The following CGNL1 variants were observed in gnomAD, a reference collection of about 807,000 sequenced individuals.
CGNL1 encodes the protein cingulin-like protein 1.
In CGNL1, 132 loss-of-function variants were observed where a neutral mutation model predicts 141.2. The observed-to-expected ratio is 0.93, with a 90% CI of 0.81 to 1.08. The LOEUF (loss-of-function observed/expected upper bound fraction) is 1.08. CGNL1 is among the 50% of genes least tolerant of loss of function. The pLI is 0.00. For missense variants in CGNL1, 1,870 were observed against 1,588.6 expected (o/e 1.18, Z -3.01); for synonymous variants, 690 against 622.1 (o/e 1.11, Z -1.63).
At chr15:57,388,275 A>G (rs553353561) in intron 1 of CGNL1, among the ~76,000 whole-genome samples, 2 of 151,174 alleles carry the variant, frequency 1.3e-5, no homozygotes, top group Non-Finnish European at 2.9e-5. Context: ...GCTTCAGGGA[A>G]AACTCCGGAG....
chr15:57,466,569 G>A (rs1595733818), intron 8 of CGNL1, among the ~76,000 whole-genome samples: 1 of 152,056 alleles, frequency 6.6e-6, no homozygotes, highest in Non-Finnish European at 1.5e-5. Flanking sequence ...TTTGCTCCGG[G>A]TTTTATCTTC....
intron 12 of CGNL1, among the ~76,000 whole-genome samples, chr15:57,525,841 A>C (rs2031576804): frequency 6.6e-6 from 1 of 152,090 alleles, no homozygotes; most frequent in African/African-American, 2.4e-5. Context: ...CAGGACTCCA[A>C]GTAAGCAGTG....
At chr15:57,514,706 CTG>C (rs1231520324) in intron 8 of CGNL1, among the ~76,000 whole-genome samples, 1 of 152,062 alleles carries the variant, frequency 6.6e-6, no homozygotes, top group Non-Finnish European at 1.5e-5. Context: ...ATACTTGTTT[CTG>C]TGTTTTAAGA....
intron 1 of CGNL1, among the ~76,000 whole-genome samples, chr15:57,423,615 G>T (rs772033688): frequency 6.6e-6 from 1 of 152,142 alleles, no homozygotes; most frequent in Non-Finnish European, 1.5e-5. Flanking sequence ...TCCAGTCTTT[G>T]CCTGCTTAAT....
intron 1 of CGNL1, among the ~76,000 whole-genome samples, chr15:57,395,499 C>T (rs2062592397): frequency 6.6e-6 from 1 of 152,204 alleles, no homozygotes; most frequent in Non-Finnish European, 1.5e-5. Context: ...CTACTGAATG[C>T]CCAGGTCACA....
chr15:57,435,428 T>C (rs1247719538), intron 1 of CGNL1, among the ~76,000 whole-genome samples: 39 of 149,722 alleles, frequency 2.6e-4, no homozygotes, highest in Non-Finnish European at 3.4e-4. Flanking sequence ...TTTTTTTTTT[T>C]CCTCCTGGGC....
In CGNL1 at chr15:57,451,597, T is replaced by G. The variant is rs747655307; in HGVS notation, c.1901T>G (p.Val634Gly). ...CTTCAGAGACAGCTTCAACTGGAAGTCAAGGTATCTGGTTTTTCCTTTATG... is the reference window on the plus strand; with the variant it reads ...CTTCAGAGACAGCTTCAACTGGAAGGCAAGGTATCTGGTTTTTCCTTTATG... ...AELQRQLQLE[V>G]KNQQNIKEER... The change falls in exon 5 of 19, where the codon GTC (valine) becomes GGC (glycine). Residue 634 changes from valine to glycine, a missense_variant. By Grantham distance (109) the Val-to-Gly change is moderately radical. Transcript: ENST00000281282. 1.2e-5 allele frequency: 20 copies of G among 1,601,704 alleles called. No homozygotes were observed. The highest frequency in any genetic ancestry group is 3.4e-5 in the Admixed American group (2 of 59,282).
At position 57,550,053 on chromosome 15, in the gene CGNL1, G is replaced by T. The variant is rs1344419912; in HGVS notation, c.*2563G>T. 6.6e-6 allele frequency: 1 copy of T among 152,208 alleles called. No homozygotes were observed. Among genetic ancestry groups the T allele is most frequent in the Non-Finnish European group, 1.5e-5 (1 of 68,034 alleles). 9.4% of individuals were successfully genotyped at this position (152,208 alleles called of 1,614,324 possible). A position where few individuals can be genotyped will look rare whatever the true frequency, so the allele number is the denominator to read the frequency against. On this transcript the variant is annotated 3_prime_UTR_variant, in exon 19 of 19. Transcript: ENST00000281282. The stretch of plus-strand genomic sequence containing the variant: ...CCAGTAGCCATGGGGCTGGCTACAA[G>T]AAGCAAAACTGCCCATGCAAAGAGA...
chr15:57,501,567 C>T (rs1994887), intron 8 of CGNL1, among the ~76,000 whole-genome samples: 19 of 152,002 alleles, frequency 1.2e-4, no homozygotes, highest in Non-Finnish European at 2.4e-4. Context: ...GAGGTGGAGA[C>T]GGGGTGTTGG....
At chr15:57,543,162 G>A (rs1595816615) in intron 14 of CGNL1, among the ~76,000 whole-genome samples, 1 of 152,100 alleles carries the variant, frequency 6.6e-6, no homozygotes, top group East Asian at 1.9e-4. Context: ...AGCTTCTGGT[G>A]GTTTCTGGCA....
At chr15:57,497,250 CCT>C (rs1413054169) in intron 8 of CGNL1, among the ~76,000 whole-genome samples, 1 of 152,136 alleles carries the variant, frequency 6.6e-6, no homozygotes, top group Non-Finnish European at 1.5e-5. Flanking sequence ...GGCAAGAGGG[CCT>C]CTTTGTTTGC....
At chr15:57,458,264 C>T (rs142355203) in intron 7 of CGNL1, among the ~76,000 whole-genome samples, 194 of 152,266 alleles carry the variant, frequency 1.3e-3, no homozygotes, top group African/African-American at 4.2e-3. Flanking sequence ...TGTATACTTA[C>T]ATTTTGAAGT....
intron 8 of CGNL1, chr15:57,477,649 C>A (rs2063673704): frequency 6.6e-6 from 1 of 152,258 alleles, no homozygotes; most frequent in African/African-American, 2.4e-5. Flanking sequence ...AAGCCTATGA[C>A]TTTTTGTGAG....
rs1433163100 is a variant in CGNL1 at position 57,412,298 on chromosome 15, A to T, written c.-15-25687A>T. ...CAGCAGGGAGCCTTTTATCCTCAAG[A>T]CCTTTTCTGTACAGATAAAACGCTC... On this transcript the variant is annotated intron_variant, in intron 1 of 18. Coordinates refer to ENST00000281282, the MANE Select transcript of CGNL1 (RefSeq NM_032866.5). Among the ~76,000 whole-genome samples the T allele has an allele frequency of 2.6e-5, 4 of 152,140 alleles. No homozygotes were observed. In the East Asian group the frequency reaches 7.7e-4, roughly 29 times the overall value.
chr15:57,433,210 G>T (rs1405912553), intron 1 of CGNL1, among the ~76,000 whole-genome samples: 1 of 150,314 alleles, frequency 6.7e-6, no homozygotes, highest in East Asian at 1.9e-4. Flanking sequence ...GAAAAAAGGG[G>T]TTAAGACACA....
chr15:57,528,199 G>C (rs754637751), intron 12 of CGNL1, among the ~76,000 whole-genome samples: 2 of 151,812 alleles, frequency 1.3e-5, no homozygotes, highest in Admixed American at 1.3e-4. Context: ...GGAGGCTGCA[G>C]TTAGCCAAGA....
At chr15:57,409,474 A>C (rs2062761601) in intron 1 of CGNL1, among the ~76,000 whole-genome samples, 1 of 152,256 alleles carries the variant, frequency 6.6e-6, no homozygotes, top group African/African-American at 2.4e-5. Context: ...ACAAGCCTGA[A>C]GACTGAGGAT....
At position 57,422,913 on chromosome 15, in the gene CGNL1, G is replaced by C. The variant is rs1400626485; in HGVS notation, c.-15-15072G>C. ...AAGTGACTCATCTAAGGGAAGGCAG[G>C]GGTGTGTTAGATGGTCCCCAAAAGC... On this transcript the variant is annotated intron_variant, in intron 1 of 18. Coordinates refer to ENST00000281282, the MANE Select transcript of CGNL1 (RefSeq NM_032866.5). Among the ~76,000 whole-genome samples the C allele has an allele frequency of 3.3e-5, 5 of 152,142 alleles. No individual in the cohort carries two copies. In the East Asian group the frequency reaches 7.7e-4, roughly 23 times the overall value.
At chr15:57,523,776 C>G (rs1296430557) in intron 11 of CGNL1, 135 bp downstream of exon 11, 2 of 841,646 alleles carry the variant, frequency 2.4e-6, no homozygotes, top group Non-Finnish European at 3.7e-6. Context: ...TTGCAGATCC[C>G]AAGAGGCAGC....
Sources: allele counts gnomAD v4.1 joint callset (sites outside exome capture counted in the v4.1 genomes callset), GRCh38; gene constraint gnomAD v4.1.1; transcripts MANE v1.5; gene names NCBI Gene and HGNC (gene_info 2026-07-23, HGNC 2026-07-21).